The following INPP5A variants were observed in gnomAD, a reference collection of about 807,000 sequenced individuals.
The protein encoded by INPP5A is inositol polyphosphate-5-phosphatase A.
Under a neutral mutation model 65.2 loss-of-function variants are expected in INPP5A, and 14 were observed. The ratio of observed to expected loss-of-function variants is 0.21; its 90% confidence interval spans 0.14 to 0.34. The LOEUF is 0.34. INPP5A is among the 10% of genes least tolerant of loss of function. The pLI is 1.00. For missense variants in INPP5A, 431 were observed against 545.6 expected (o/e 0.79, Z 2.09); for synonymous variants, 207 against 208.3 (o/e 0.99, Z 0.05).
At chr10:132,583,672 G>A (rs531576820) in intron 1 of INPP5A, among the ~76,000 whole-genome samples, 37 of 152,312 alleles carry the variant, frequency 2.4e-4, no homozygotes, top group African/African-American at 8.7e-4. Flanking sequence ...ATGTGCTAAC[G>A]TGACCCCACA....
chr10:132,702,117 G>A (rs767190974), intron 6 of INPP5A, among the ~76,000 whole-genome samples: 1 of 152,226 alleles, frequency 6.6e-6, no homozygotes, highest in Non-Finnish European at 1.5e-5. Context: ...TCGAAACATA[G>A]TCTTAGTGCA....
chr10:132,703,763 CCCCCACACACACACACAGCTTCA>C, intron 6 of INPP5A, among the ~76,000 whole-genome samples: 1 of 81,404 alleles, frequency 1.2e-5, no homozygotes, highest in Non-Finnish European at 2.4e-5. Flanking sequence ...GGCTTCACCC[CCCCCACACACACACACAGCTTCA>C]CCCCCACACA....
At chr10:132,606,646 C>T (rs1187878040) in intron 1 of INPP5A, among the ~76,000 whole-genome samples, 10 of 152,224 alleles carry the variant, frequency 6.6e-5, no homozygotes, top group South Asian at 4.1e-4. Flanking sequence ...AGCAAGTGAA[C>T]GGAGGAGCGC....
chr10:132,645,831 C>T (rs1314034351), intron 2 of INPP5A, 37 bp from the exon 3 acceptor site: 2 of 1,524,504 alleles, frequency 1.3e-6, no homozygotes, highest in South Asian at 1.2e-5. Flanking sequence ...CTGTGGACGG[C>T]TCCGACGACC....
Position 132,782,424 on chromosome 10 carries a change from G to T in INPP5A, c.*395G>T, listed in dbSNP as rs1334751567. On this transcript the variant is annotated 3_prime_UTR_variant, in exon 16 of 16. Coordinates refer to ENST00000368594, the MANE Select transcript of INPP5A (RefSeq NM_005539.5). The surrounding 1 kb of genome is among the most constrained non-coding windows in gnomAD (Gnocchi z 4.4). ...GTCCAGGGACCCCCTCTGCCAGGTGGAGGTGTGTCCAGGGGCTGGGGAAGC... is the reference window on the plus strand; with the variant it reads ...GTCCAGGGACCCCCTCTGCCAGGTGTAGGTGTGTCCAGGGGCTGGGGAAGC... The T allele has an allele frequency of 3.6e-6, 1 of 280,350 alleles. No individual in the cohort carries two copies. Among genetic ancestry groups the T allele is most frequent in the East Asian group, 9.8e-5 (1 of 10,222 alleles). 17.4% of individuals were successfully genotyped at this position (280,350 alleles called of 1,614,324 possible).
chr10:132,553,666 T>C (rs1266756541), intron 1 of INPP5A, among the ~76,000 whole-genome samples: 1 of 121,652 alleles, frequency 8.2e-6, no homozygotes, highest in East Asian at 2.8e-4. Flanking sequence ...GGAGGGAGGA[T>C]TGGTGAATGC....
chr10:132,600,872 G>A (rs1450024082), intron 1 of INPP5A, among the ~76,000 whole-genome samples: 1 of 152,156 alleles, frequency 6.6e-6, no homozygotes, highest in Non-Finnish European at 1.5e-5. Context: ...GAATAGCATG[G>A]GAAAGACTGG....
At chr10:132,583,199 T>C (rs1409362378) in intron 1 of INPP5A, among the ~76,000 whole-genome samples, 1 of 152,248 alleles carries the variant, frequency 6.6e-6, no homozygotes, top group Non-Finnish European at 1.5e-5. Context: ...ATAAATGGTA[T>C]TTTTAAACGT....
Position 132,548,060 on chromosome 10 carries a change from C to T in INPP5A, c.75+9889C>T, listed in dbSNP as rs185582568. Among the ~76,000 whole-genome samples the T allele has an allele frequency of 3.3e-3, 502 of 152,156 alleles. 1 individual carries two copies. The highest frequency in any genetic ancestry group is 0.01 in the African/African-American group (434 of 41,496). On this transcript the variant is annotated intron_variant, in intron 1 of 15. Transcript: ENST00000368594. ...GATTACAGGCGTGCACCACCACACCCGGCTAAATTTTTTTTGTATTTTTAG... is the reference window on the plus strand; with the variant it reads ...GATTACAGGCGTGCACCACCACACCTGGCTAAATTTTTTTTGTATTTTTAG...
chr10:132,710,036 G>C (rs2134529744), intron 7 of INPP5A, among the ~76,000 whole-genome samples: 1 of 152,388 alleles, frequency 6.6e-6, no homozygotes, highest in South Asian at 2.1e-4. Context: ...CTTCCTCTTA[G>C]CTTAGCCATC....
intron 1 of INPP5A, among the ~76,000 whole-genome samples, chr10:132,604,439 T>G (rs1480329745): frequency 6.6e-6 from 1 of 152,212 alleles, no homozygotes; most frequent in Non-Finnish European, 1.5e-5. Flanking sequence ...GGAGCGAGGA[T>G]GCAGTCAGAC....
chr10:132,672,263 T>C (rs1463504039), intron 4 of INPP5A, among the ~76,000 whole-genome samples: 1 of 152,254 alleles, frequency 6.6e-6, no homozygotes, highest in Non-Finnish European at 1.5e-5. Flanking sequence ...TTGTCAACTT[T>C]ATGAAATAAT....
chr10:132,701,098 A>C (rs1031073255), intron 6 of INPP5A, among the ~76,000 whole-genome samples: 2 of 152,212 alleles, frequency 1.3e-5, no homozygotes. Flanking sequence ...TTGTGTGGCA[A>C]TAACCTCCCC....
chr10:132,569,562 T>A lies in INPP5A; in HGVS notation c.75+31391T>A, dbSNP rs549650817. 5.9e-5 allele frequency among the ~76,000 whole-genome samples: 9 copies of A among 152,340 alleles called. No individual in the cohort carries two copies. In the South Asian group the frequency reaches 1.9e-3, roughly 32 times the overall value. ...TTGTAGAGACGGGGTCTCAGTATGTTGCCCAGGCTGGTCTCGAACTCCTGA... is the reference window on the plus strand; with the variant it reads ...TTGTAGAGACGGGGTCTCAGTATGTAGCCCAGGCTGGTCTCGAACTCCTGA... On this transcript the variant is annotated intron_variant, in intron 1 of 15. Transcript: ENST00000368594.
At position 132,579,234 on chromosome 10, in the gene INPP5A, C is replaced by T. The variant is rs1056094408; in HGVS notation, c.76-28681C>T. ...GTGGGGGGAGGTGGAGCCTGTGGGC[C>T]GGTGACGGAGGGGACCGCGGGGCGG... On this transcript the variant is annotated intron_variant, in intron 1 of 15. Coordinates refer to ENST00000368594, the MANE Select transcript of INPP5A (RefSeq NM_005539.5). Among the ~76,000 whole-genome samples, 7 of 149,314 alleles carry T rather than the reference C, an allele frequency of 4.7e-5. No individual in the cohort carries two copies. The East Asian group carries it at 7.9e-4, about 17-fold the overall frequency.
At chr10:132,553,489 C>T (rs1459548435) in intron 1 of INPP5A, among the ~76,000 whole-genome samples, 14 of 112,240 alleles carry the variant, frequency 1.2e-4, no homozygotes, top group East Asian at 3.0e-4. Context: ...GGAGGGAGGA[C>T]TGGTGAACAC....
intron 2 of INPP5A, among the ~76,000 whole-genome samples, chr10:132,624,668 A>T (rs1030681224): frequency 8.5e-5 from 13 of 152,146 alleles, no homozygotes; most frequent in African/African-American, 2.9e-4. Context: ...CAGCACCTCC[A>T]TACATGCTCA....
Position 132,727,729 on chromosome 10 carries a change from T to C in INPP5A, c.732+824T>C, listed in dbSNP as rs1396586095. 6.7e-6 allele frequency among the ~76,000 whole-genome samples: 1 copy of C among 149,890 alleles called. No individual in the cohort carries two copies. Among genetic ancestry groups the C allele is most frequent in the Non-Finnish European group, 1.5e-5 (1 of 67,364 alleles). On this transcript the variant is annotated intron_variant, in intron 9 of 15. Transcript: ENST00000368594. The surrounding 1 kb of genome is among the most constrained non-coding windows in gnomAD (Gnocchi z 6.5). ...TGGTGGCCCCTCCAGGTGCTGGGCATGAGCTGACAGCCCACAGCGGGGCCA... is the reference window on the plus strand; with the variant it reads ...TGGTGGCCCCTCCAGGTGCTGGGCACGAGCTGACAGCCCACAGCGGGGCCA...
At chr10:132,668,851 C>T (rs1268365360) in intron 4 of INPP5A, among the ~76,000 whole-genome samples, 2 of 152,140 alleles carry the variant, frequency 1.3e-5, no homozygotes, top group Non-Finnish European at 2.9e-5. Context: ...CTCCATCGCA[C>T]GACCACCACT....
Sources: allele counts gnomAD v4.1 joint callset (sites outside exome capture counted in the v4.1 genomes callset), GRCh38; gene constraint gnomAD v4.1.1; non-coding constraint Gnocchi (gnomAD v3.1); transcripts MANE v1.5; gene names NCBI Gene and HGNC (gene_info 2026-07-23, HGNC 2026-07-21).